Variants in SPAG16 observed in about 807,000 individuals in gnomAD.
The protein encoded by SPAG16 is sperm associated antigen 16, also known as sperm-associated antigen 16 protein.
Under a neutral mutation model 80.4 loss-of-function variants are expected in SPAG16, and 86 were observed. That is an observed-to-expected ratio of 1.07 (90% CI 0.90 to 1.28). The LOEUF (loss-of-function observed/expected upper bound fraction) is 1.28. Ranked by LOEUF, SPAG16 falls within the 50% of genes most tolerant of loss-of-function variation. The pLI is 0.00. For synonymous variants in SPAG16, 294 were observed against 265.9 expected, an observed-to-expected ratio of 1.11 and a Z score of -1.03; for missense variants, 870 against 765.3, an observed-to-expected ratio of 1.14 and a Z score of -1.61.
chr2:213,711,400 A>C (rs2065979391), intron 10 of SPAG16, among the ~76,000 whole-genome samples: 1 of 152,144 alleles, frequency 6.6e-6, no homozygotes, highest in Non-Finnish European at 1.5e-5. Context: ...GTAAAGTAAA[A>C]ACTCATTTCC....
At chr2:213,719,062 C>T (rs188152826) in intron 10 of SPAG16, among the ~76,000 whole-genome samples, 76 of 152,164 alleles carry the variant, frequency 5.0e-4, no homozygotes, top group Non-Finnish European at 8.1e-4. Context: ...AGGCGACACT[C>T]GGTATCTAGC....
At chr2:214,061,123 C>T (rs960233596) in intron 13 of SPAG16, among the ~76,000 whole-genome samples, 1 of 152,088 alleles carries the variant, frequency 6.6e-6, no homozygotes, top group Non-Finnish European at 1.5e-5. Flanking sequence ...TAGAGAAACT[C>T]GAATATCTTC....
intron 15 of SPAG16, among the ~76,000 whole-genome samples, chr2:214,319,224 A>ACACACACACACACACACACACAC (rs1553554490): frequency 1.3e-5 from 2 of 151,008 alleles, no homozygotes; most frequent in Admixed American, 6.6e-5. Context: ...ACACACACAC[A>ACACACACACACACACACACACAC]AGAAGTGTAG....
chr2:213,503,686 A>G (rs942312555), intron 10 of SPAG16, among the ~76,000 whole-genome samples: 4 of 152,264 alleles, frequency 2.6e-5, no homozygotes, highest in African/African-American at 9.6e-5. Flanking sequence ...ATCCTTAAAA[A>G]TAAATCATTA....
intron 7 of SPAG16, among the ~76,000 whole-genome samples, chr2:213,359,061 G>T (rs1447878567): frequency 6.6e-6 from 1 of 152,212 alleles, no homozygotes; most frequent in Non-Finnish European, 1.5e-5. Context: ...TCCAGACCCT[G>T]TTTGCCTCGC....
intron 15 of SPAG16, among the ~76,000 whole-genome samples, chr2:214,256,300 CT>C (rs890109094): frequency 6.6e-6 from 1 of 151,722 alleles, no homozygotes; most frequent in Non-Finnish European, 1.5e-5. Flanking sequence ...GCTTGTTTGT[CT>C]TTTTATTGCT....
At chr2:213,898,173 A>G (rs552662593) in intron 11 of SPAG16, among the ~76,000 whole-genome samples, 1 of 152,210 alleles carries the variant, frequency 6.6e-6, no homozygotes, top group African/African-American at 2.4e-5. Flanking sequence ...CAGAAAGACT[A>G]TGTATGTTTC....
rs547048275 is a variant in SPAG16 at position 213,372,517 on chromosome 2, T to G, written c.833-2493T>G. Among the ~76,000 whole-genome samples the G allele has an allele frequency of 2.0e-5, 3 of 152,260 alleles. No individual in the cohort carries two copies. In the East Asian group the frequency reaches 5.8e-4, roughly 29 times the overall value. ...GCTGCTTTTTAAGTTCGTGTTTTGT[T>G]GCTGCTCAGAATTGCATTATGAGAT... On this transcript the variant is annotated intron_variant, in intron 8 of 15. Coordinates refer to ENST00000331683, the MANE Select transcript of SPAG16 (RefSeq NM_024532.5).
chr2:214,323,805 C>G (rs1480059965), intron 15 of SPAG16, among the ~76,000 whole-genome samples: 1 of 152,134 alleles, frequency 6.6e-6, no homozygotes, highest in East Asian at 1.9e-4. Context: ...TTATAAAATG[C>G]AAGGGCTAGG....
intron 10 of SPAG16, among the ~76,000 whole-genome samples, chr2:213,858,254 A>G (rs4494680): frequency 0.34 from 52,197 of 151,914 alleles, 9,390 homozygotes; most frequent in South Asian, 0.47. Flanking sequence ...CCACAGAGAA[A>G]TCTTTTTGAA....
chr2:213,721,015 G>A (rs1053160244), intron 10 of SPAG16, among the ~76,000 whole-genome samples: 2 of 152,012 alleles, frequency 1.3e-5, no homozygotes, highest in Admixed American at 1.3e-4. Context: ...GCCTCCCAAA[G>A]TGCTGGGATT....
chr2:213,387,703 C>T (rs1441690055), intron 9 of SPAG16, among the ~76,000 whole-genome samples: 2 of 151,702 alleles, frequency 1.3e-5, no homozygotes, highest in Non-Finnish European at 2.9e-5. Flanking sequence ...ATCCGCCCGC[C>T]TCGGCCTCCC....
At position 214,367,396 on chromosome 2, in the gene SPAG16, C is replaced by T. The variant is rs575945175; in HGVS notation, c.1721-42744C>T. Among the ~76,000 whole-genome samples, 3 of 152,168 alleles carry T rather than the reference C, an allele frequency of 2.0e-5. No individual in the cohort carries two copies. In the East Asian group the frequency reaches 5.8e-4, roughly 29 times the overall value. Reference sequence around the variant, plus strand: ...ATTATCTTTCATGCATGTTTGAAACCACCTATTCTGGTATGAGAGGGAGGA... The same window carrying T: ...ATTATCTTTCATGCATGTTTGAAACTACCTATTCTGGTATGAGAGGGAGGA... On this transcript the variant is annotated intron_variant, in intron 15 of 15. Transcript: ENST00000331683.
intron 9 of SPAG16, among the ~76,000 whole-genome samples, chr2:213,476,415 T>C (rs76767712): frequency 0.023 from 3,528 of 152,222 alleles, 58 homozygotes; most frequent in South Asian, 0.038. Flanking sequence ...AGTGAACATT[T>C]CCAACACCCG....
intron 10 of SPAG16, among the ~76,000 whole-genome samples, chr2:213,845,183 T>C (rs1398256297): frequency 7.0e-6 from 1 of 143,094 alleles, no homozygotes; most frequent in Non-Finnish European, 1.5e-5. Context: ...CTATTTTGTT[T>C]TATATATCTA....
intron 10 of SPAG16, among the ~76,000 whole-genome samples, chr2:213,720,742 CTTTT>C (rs564036456): frequency 2.3e-3 from 181 of 78,942 alleles, no homozygotes; most frequent in Non-Finnish European, 3.6e-3. Flanking sequence ...GAAGTAAGTC[CTTTT>C]TTTTTTTTTT....
intron 15 of SPAG16, among the ~76,000 whole-genome samples, chr2:214,164,456 A>C (rs2056570834): frequency 6.6e-6 from 1 of 152,136 alleles, no homozygotes; most frequent in South Asian, 2.1e-4. Flanking sequence ...TCCAGAAAAA[A>C]AACAGCAGTG....
chr2:213,687,244 G>A (rs2125282109), intron 10 of SPAG16, among the ~76,000 whole-genome samples: 1 of 152,046 alleles, frequency 6.6e-6, no homozygotes, highest in Admixed American at 6.5e-5. Context: ...TTATTGTCAT[G>A]CATATTATTG....
intron 13 of SPAG16, among the ~76,000 whole-genome samples, chr2:214,017,889 TATTA>T (rs1228809339): frequency 2.6e-5 from 4 of 152,216 alleles, no homozygotes; most frequent in Admixed American, 6.5e-5. Context: ...GCTAGCTTTA[TATTA>T]ATTAATACTA....
Sources: allele counts gnomAD v4.1 joint callset (sites outside exome capture counted in the v4.1 genomes callset), GRCh38; gene constraint gnomAD v4.1.1; transcripts MANE v1.5; gene names NCBI Gene and HGNC (gene_info 2026-07-23, HGNC 2026-07-21).